The following FHIP1A variants were observed in gnomAD, a reference collection of about 807,000 sequenced individuals.
FHIP1A encodes the protein FHF complex subunit HOOK-interacting protein 1A.
FHIP1A carries 61 observed loss-of-function variants against 88.6 expected under a neutral mutation model. That is an observed-to-expected ratio of 0.69 (90% confidence interval 0.56 to 0.85). The LOEUF is 0.85. FHIP1A is among the 40% of genes least tolerant of loss of function. FHIP1A has a pLI of 0.00. For missense variants in FHIP1A, 1,154 were observed against 1,273.5 expected, an observed-to-expected ratio of 0.91 and a Z score of 1.43; for synonymous variants, 478 against 496.0, an observed-to-expected ratio of 0.96 and a Z score of 0.48.
In FHIP1A at chr4:151,450,000, T is replaced by C. The variant is rs1728737656; in HGVS notation, c.-355-4701T>C. Reference sequence around the variant, plus strand: ...GCCTTAAATATTGAGTACCTTGACATCTTTACTCAAAAATTCCCTCAAAAT... The same window carrying C: ...GCCTTAAATATTGAGTACCTTGACACCTTTACTCAAAAATTCCCTCAAAAT... On this transcript the variant is annotated intron_variant, in intron 1 of 13. Coordinates refer to ENST00000435205, the MANE Select transcript of FHIP1A (RefSeq NM_001109977.3). Among the ~76,000 whole-genome samples, 4 of 152,266 alleles carry C rather than the reference T, an allele frequency of 2.6e-5. No individual in the cohort carries two copies. In the South Asian group the frequency reaches 6.2e-4, roughly 24 times the overall value.
At chr4:151,553,353 C>G (rs6835310) in intron 3 of FHIP1A, among the ~76,000 whole-genome samples, 20,813 of 151,970 alleles carry the variant, frequency 0.14, 1,660 homozygotes, top group African/African-American at 0.22. Context: ...GTGGGTATTC[C>G]TTGTATTATT....
At chr4:151,448,275 T>G (rs1432376278) in intron 1 of FHIP1A, among the ~76,000 whole-genome samples, 2 of 152,124 alleles carry the variant, frequency 1.3e-5, no homozygotes, top group African/African-American at 2.4e-5. Context: ...CCAGTCTATG[T>G]TTTTCTGTTA....
chr4:151,480,463 A>G (rs1368880745), intron 2 of FHIP1A, among the ~76,000 whole-genome samples: 1 of 152,080 alleles, frequency 6.6e-6, no homozygotes, highest in African/African-American at 2.4e-5. Flanking sequence ...TCACCTGAAA[A>G]GCATCTAGCA....
chr4:151,643,761 G>A (rs1267658877), intron 9 of FHIP1A, among the ~76,000 whole-genome samples: 1 of 152,022 alleles, frequency 6.6e-6, no homozygotes, highest in East Asian at 1.9e-4. Flanking sequence ...AATACTGGCG[G>A]GCTATTCATT....
At chr4:151,629,470 T>C (rs1445402668) in intron 7 of FHIP1A, among the ~76,000 whole-genome samples, 1 of 152,236 alleles carries the variant, frequency 6.6e-6, no homozygotes, top group Non-Finnish European at 1.5e-5. Context: ...ACACTTGAAT[T>C]GATTCTTTAT....
In FHIP1A at chr4:151,656,960, G is replaced by A; in HGVS notation, c.2869+62G>A. ...TCCTCCTCCACGTCCCTGGCCTACT[G>A]GCCTCAGTTCACAGATGCTGCACTG... On this transcript the variant is annotated intron_variant, in intron 13 of 13. Transcript: ENST00000435205. The surrounding 1 kb of genome is among the most constrained non-coding windows in gnomAD (Gnocchi z 4.2). 6.7e-7 allele frequency: 1 copy of A among 1,481,534 alleles called. No individual in the cohort carries two copies. Among genetic ancestry groups the A allele is most frequent in the East Asian group, 2.5e-5 (1 of 40,220 alleles). The allele number at this position is 1,481,534 out of a possible 1,614,324, so 91.8% of individuals were successfully genotyped here. A position where few individuals can be genotyped will look rare whatever the true frequency, so the allele number is the denominator to read the frequency against.
rs78245614 is a variant in FHIP1A at position 151,560,034 on chromosome 4, G to A, written c.-122-6104G>A. On this transcript the variant is annotated intron_variant, in intron 3 of 13. Transcript: ENST00000435205. ...AGTGGGTTTTAAACTTTATTGAAGC[G>A]GGGCACCTCATGGACCCTTTATAGA... Among the ~76,000 whole-genome samples, 1,282 of 152,186 alleles carry A rather than the reference G, an allele frequency of 8.4e-3. 20 individuals are homozygous for A. Among genetic ancestry groups the A allele is most frequent in the African/African-American group, 0.03 (1,230 of 41,528 alleles).
chr4:151,476,195 G>A (rs1167055397), intron 2 of FHIP1A, among the ~76,000 whole-genome samples: 6 of 144,136 alleles, frequency 4.2e-5, no homozygotes, highest in East Asian at 2.1e-4. Context: ...AGGCTGGAGC[G>A]CAGTGGCAAG....
chr4:151,597,319 C>G (rs1734688011), intron 7 of FHIP1A, among the ~76,000 whole-genome samples: 1 of 152,270 alleles, frequency 6.6e-6, no homozygotes, highest in South Asian at 2.1e-4. Flanking sequence ...TGCTGGAGGT[C>G]CTCTCCAGAC....
chr4:151,609,415 C>G (rs1035455574), intron 7 of FHIP1A, among the ~76,000 whole-genome samples: 1 of 152,032 alleles, frequency 6.6e-6, no homozygotes, highest in Non-Finnish European at 1.5e-5. Context: ...TACAAATATG[C>G]TTTCTCTTCA....
chr4:151,611,241 G>A (rs1455677902), intron 7 of FHIP1A, among the ~76,000 whole-genome samples: 2 of 152,136 alleles, frequency 1.3e-5, no homozygotes, highest in Non-Finnish European at 2.9e-5. Flanking sequence ...TGGTGTTTAG[G>A]ATTGGCTAGA....
chr4:151,446,412 G>A (rs1283925036), intron 1 of FHIP1A, among the ~76,000 whole-genome samples: 2 of 150,484 alleles, frequency 1.3e-5, no homozygotes, highest in East Asian at 3.9e-4. Context: ...TGGATATACT[G>A]TACATATACA....
At chr4:151,644,546 C>A (rs1239317997) in intron 9 of FHIP1A, among the ~76,000 whole-genome samples, 1 of 152,090 alleles carries the variant, frequency 6.6e-6, no homozygotes, top group Non-Finnish European at 1.5e-5. Flanking sequence ...GAAACAGGAT[C>A]TTGCTGTGTT....
intron 5 of FHIP1A, among the ~76,000 whole-genome samples, chr4:151,580,036 C>T (rs189947538): frequency 9.8e-4 from 149 of 152,260 alleles, no homozygotes; most frequent in Non-Finnish European, 1.7e-3. Flanking sequence ...TACAATAATT[C>T]CTTAATACGA....
intron 8 of FHIP1A, 112 bp from the exon 9 acceptor site, chr4:151,638,565 T>TAA (rs11450944): frequency 0.012 from 5,894 of 482,590 alleles, 1 homozygote; most frequent in Non-Finnish European, 0.014. Flanking sequence ...TCAAAACTGC[T>TAA]AAAAAAAAAA....
intron 3 of FHIP1A, among the ~76,000 whole-genome samples, chr4:151,531,930 A>T (rs1476624981): frequency 6.6e-6 from 1 of 152,272 alleles, no homozygotes; most frequent in Non-Finnish European, 1.5e-5. Context: ...GAATTTAAAA[A>T]ATCAACACAG....
chr4:151,449,636 G>C (rs915100172), intron 1 of FHIP1A, among the ~76,000 whole-genome samples: 1 of 151,948 alleles, frequency 6.6e-6, no homozygotes, highest in African/African-American at 2.4e-5. Flanking sequence ...TATTCCTCCT[G>C]TCTAACTGTA....
chr4:151,594,084 AC>A (rs201321746), intron 7 of FHIP1A, among the ~76,000 whole-genome samples: 1,985 of 152,242 alleles, frequency 0.013, 47 homozygotes, highest in African/African-American at 0.044. Flanking sequence ...CATATGTTGA[AC>A]CAGCCTTGCA....
At chr4:151,480,658 A>G (rs770117069) in intron 2 of FHIP1A, among the ~76,000 whole-genome samples, 8 of 152,098 alleles carry the variant, frequency 5.3e-5, no homozygotes, top group Non-Finnish European at 7.4e-5. Context: ...ATAAATGATT[A>G]ATTGATTAGA....
Sources: gnomAD v4.1 joint callset for allele counts (sites outside exome capture counted in the v4.1 genomes callset) on GRCh38, gnomAD v4.1.1 for gene constraint, Gnocchi (gnomAD v3.1) non-coding constraint, MANE v1.5 for transcripts, NCBI Gene and HGNC (gene_info 2026-07-23, HGNC 2026-07-21) for gene names.